DAPP1: variants seen among roughly 807,000 people sequenced by gnomAD.
The protein encoded by DAPP1 is dual adapter for phosphotyrosine and 3-phosphotyrosine and 3-phosphoinositide.
Under a neutral mutation model 41.5 loss-of-function variants are expected in DAPP1, and 20 were observed. That is an observed-to-expected ratio of 0.48 (90% CI 0.34 to 0.70). The LOEUF is 0.70. DAPP1 is among the 30% of genes least tolerant of loss of function. The pLI is 0.01. For synonymous variants in DAPP1, 113 were observed against 116.2 expected (o/e 0.97, Z 0.18); for missense variants, 233 against 333.4 (o/e 0.70, Z 2.35).
At chr4:99,830,781 T>C (rs1386270145) in intron 1 of DAPP1, among the ~76,000 whole-genome samples, 1 of 152,106 alleles carries the variant, frequency 6.6e-6, no homozygotes, top group Admixed American at 6.5e-5. Context: ...TCTCTCTCTT[T>C]CTCTTTCTCT....
rs570021934 is a variant in DAPP1 at position 99,821,301 on chromosome 4, C to T, written c.101+4287C>T. ...TATCACCATACTCATTTCATAGACG[C>T]AAAAGGTGACTTCAATAAGCTAAGT... On this transcript the variant is annotated intron_variant, in intron 1 of 8. Transcript: ENST00000512369. Among the ~76,000 whole-genome samples, 3 of 152,330 alleles carry T rather than the reference C, an allele frequency of 2.0e-5. No individual in the cohort carries two copies. The South Asian group carries it at 6.2e-4, about 32-fold the overall frequency.
At position 99,864,073 on chromosome 4, in the gene DAPP1, A is replaced by G. The variant is rs1361244082; in HGVS notation, c.686+218A>G. On this transcript the variant is annotated intron_variant, in intron 7 of 8. Transcript: ENST00000512369. ...CAGCTCAGCTTATGTTGCGTACTGG[A>G]GAAGTATGACTCACATAGAGGATGC... The G allele has an allele frequency of 8.8e-5, 35 of 397,712 alleles. 1 individual carries two copies. The highest frequency in any genetic ancestry group is 7.3e-5 in the South Asian group (2 of 27,316). The allele number at this position is 397,712 out of a possible 1,614,324, so 24.6% of individuals were successfully genotyped here. A position where few individuals can be genotyped will look rare whatever the true frequency, so the allele number is the denominator to read the frequency against.
intron 3 of DAPP1, among the ~76,000 whole-genome samples, chr4:99,852,177 A>G (rs945905698): frequency 2.0e-5 from 3 of 152,146 alleles, no homozygotes; most frequent in African/African-American, 7.2e-5. Context: ...TTTGTGTGCT[A>G]TTGCATTCCC....
At chr4:99,825,223 A>G (rs1160520615) in intron 1 of DAPP1, among the ~76,000 whole-genome samples, 1 of 151,772 alleles carries the variant, frequency 6.6e-6, no homozygotes, top group African/African-American at 2.4e-5. Flanking sequence ...CTATCTTTCT[A>G]TCCGTCTGTC....
intron 1 of DAPP1, among the ~76,000 whole-genome samples, chr4:99,827,481 C>T (rs190726407): frequency 2.0e-5 from 3 of 150,572 alleles, no homozygotes; most frequent in African/African-American, 7.4e-5. Flanking sequence ...TGCAGTGAGC[C>T]GAGATCGAGC....
At chr4:99,853,965 T>G (rs1723957759) in intron 4 of DAPP1, among the ~76,000 whole-genome samples, 1 of 152,228 alleles carries the variant, frequency 6.6e-6, no homozygotes, top group African/African-American at 2.4e-5. Context: ...CTAAACTGTT[T>G]TCTCCTACAA....
chr4:99,862,861 A>G, intron 5 of DAPP1, 149 bp from the exon 6 acceptor site: 1 of 532,812 alleles, frequency 1.9e-6, no homozygotes, highest in East Asian at 3.5e-5. Flanking sequence ...TTTTTCTCAG[A>G]AATGACACAA....
intron 1 of DAPP1, among the ~76,000 whole-genome samples, chr4:99,826,413 C>T (rs1023999532): frequency 2.0e-5 from 3 of 152,176 alleles, no homozygotes; most frequent in Non-Finnish European, 2.9e-5. Flanking sequence ...TTTTTTCCCA[C>T]TTTGCGTTGA....
intron 1 of DAPP1, among the ~76,000 whole-genome samples, chr4:99,832,871 T>C (rs1172217045): frequency 6.6e-6 from 1 of 152,244 alleles, no homozygotes; most frequent in African/African-American, 2.4e-5. Context: ...AATATTGCTT[T>C]ACATAAACAA....
intron 1 of DAPP1, among the ~76,000 whole-genome samples, chr4:99,822,970 A>G (rs1578341511): frequency 6.6e-6 from 1 of 152,244 alleles, no homozygotes; most frequent in African/African-American, 2.4e-5. Context: ...GCCCACTAGC[A>G]CCTGCCCCCA....
At chr4:99,865,926 A>ATATATTATATTATATAT in intron 7 of DAPP1, 108 bp from the exon 8 acceptor site, 1 of 97,800 alleles carries the variant, frequency 1.0e-5, no homozygotes, top group Non-Finnish European at 2.0e-5. Flanking sequence ...TATATATATA[A>ATATATTATATTATATAT]TATATATAAT....
At chr4:99,845,846 C>CT (rs1208878474) in intron 3 of DAPP1, among the ~76,000 whole-genome samples, 1 of 152,080 alleles carries the variant, frequency 6.6e-6, no homozygotes, top group Non-Finnish European at 1.5e-5. Context: ...AACAGCCTGT[C>CT]TAAGTATAAC....
At chr4:99,855,538 G>A (rs1724016436) in intron 4 of DAPP1, among the ~76,000 whole-genome samples, 1 of 152,150 alleles carries the variant, frequency 6.6e-6, no homozygotes, top group Admixed American at 6.5e-5. Context: ...TAAAATAGTG[G>A]TGAGTGATTG....
chr4:99,823,856 C>A (rs1181596310), intron 1 of DAPP1, among the ~76,000 whole-genome samples: 1 of 152,028 alleles, frequency 6.6e-6, no homozygotes, highest in Non-Finnish European at 1.5e-5. Context: ...CAGGAAGGAA[C>A]AAGGGTAGAA....
At chr4:99,847,803 T>A (rs1223594073) in intron 3 of DAPP1, among the ~76,000 whole-genome samples, 1 of 80,258 alleles carries the variant, frequency 1.2e-5, no homozygotes, top group Non-Finnish European at 2.5e-5. Context: ...TAGATAAGTT[T>A]GTTTGTTTGT....
intron 3 of DAPP1, among the ~76,000 whole-genome samples, chr4:99,843,509 TG>T (rs1723564514): frequency 6.6e-6 from 1 of 152,260 alleles, no homozygotes; most frequent in Non-Finnish European, 1.5e-5. Flanking sequence ...GAGTATTTTA[TG>T]ATAATTTCCC....
intron 1 of DAPP1, among the ~76,000 whole-genome samples, chr4:99,834,114 A>G (rs1028704039): frequency 1.8e-4 from 28 of 152,222 alleles, no homozygotes; most frequent in African/African-American, 6.5e-4. Context: ...TCATGCCTCT[A>G]TGACATCGTT....
intron 4 of DAPP1, among the ~76,000 whole-genome samples, chr4:99,860,181 C>T (rs537288635): frequency 3.3e-5 from 5 of 152,184 alleles, no homozygotes; most frequent in African/African-American, 7.2e-5. Context: ...ATCTGGAGAC[C>T]CTGAATAAAA....
At chr4:99,850,492 T>C (rs1246431405) in intron 3 of DAPP1, among the ~76,000 whole-genome samples, 2 of 152,190 alleles carry the variant, frequency 1.3e-5, no homozygotes, top group African/African-American at 4.8e-5. Context: ...TGGAGTGTCA[T>C]TTAAAGCATT....
Sources: gnomAD v4.1 joint callset for allele counts (sites outside exome capture counted in the v4.1 genomes callset) on GRCh38, gnomAD v4.1.1 for gene constraint, MANE v1.5 for transcripts, NCBI Gene and HGNC (gene_info 2026-07-23, HGNC 2026-07-21) for gene names.